Variants in ZFR observed in about 807,000 individuals in gnomAD.
ZFR encodes the protein zinc finger RNA binding protein.
A neutral mutation model predicts 130.7 loss-of-function variants in ZFR; 19 were observed. The observed-to-expected ratio is 0.15, with a 90% CI of 0.10 to 0.21. The LOEUF (loss-of-function observed/expected upper bound fraction) is 0.21. ZFR is among the 10% of genes least tolerant of loss of function. The pLI is 1.00. For missense variants in ZFR, 872 were observed against 1,321.5 expected (o/e 0.66, Z 5.27); for synonymous variants, 466 against 456.9 (o/e 1.02, Z -0.25).
At chr5:32,403,082 G>T (rs758390950) in intron 8 of ZFR, 24 bp downstream of exon 8, 1 of 1,604,640 alleles carries the variant, frequency 6.2e-7, no homozygotes, top group South Asian at 1.1e-5. Context: ...AGAGTCAGCA[G>T]GGACAGAGAA....
intron 2 of ZFR, 93 bp downstream of exon 2, chr5:32,444,135 GA>G: frequency 1.4e-6 from 2 of 1,412,644 alleles, no homozygotes; most frequent in Non-Finnish European, 1.9e-6. Flanking sequence ...GGGGCTCTGG[GA>G]TGGCTGGGGA....
chr5:32,384,721 G>A (rs1004948493), intron 15 of ZFR, among the ~76,000 whole-genome samples: 3 of 152,150 alleles, frequency 2.0e-5, no homozygotes, highest in African/African-American at 7.2e-5. Context: ...TGCAGACACT[G>A]ATCATGCTTT....
At chr5:32,407,270 G>T (rs1036620198) in intron 5 of ZFR, among the ~76,000 whole-genome samples, 8 of 151,840 alleles carry the variant, frequency 5.3e-5, no homozygotes, top group African/African-American at 1.5e-4. Context: ...TCCCTGCCTT[G>T]AAGAACCTTA....
intron 16 of ZFR, 56 bp from the exon 17 acceptor site, chr5:32,379,266 C>A (rs777117482): frequency 6.8e-7 from 1 of 1,479,848 alleles, no homozygotes; most frequent in South Asian, 1.1e-5. Context: ...GAATATATCC[C>A]TTGATGAAAA....
chr5:32,417,748 A>T lies in ZFR; in HGVS notation c.465T>A (p.Tyr155Ter), dbSNP rs1362793740. 6.2e-7 allele frequency: 1 copy of T among 1,613,962 alleles called. No homozygotes were observed. ...YVRSTAPAVA[Y>*]DSKQYYQQPT... ...GTTGTTGGTAGTATTGCTTACTATC[A>T]TAAGCTACAGCAGGAGCTGTGGACC... Residue 155 changes from tyrosine (Y) to a stop codon, truncating the protein, a stop_gained, in exon 4 of 20, where the codon TAT becomes TAA. Transcript: ENST00000265069. LOFTEE classifies it high-confidence loss of function.
At chr5:32,358,726 GA>G (rs1308471079) in intron 19 of ZFR, among the ~76,000 whole-genome samples, 1 of 151,908 alleles carries the variant, frequency 6.6e-6, no homozygotes, top group African/African-American at 2.4e-5. Flanking sequence ...AAAAAAAGGG[GA>G]GGGGGGAAGT....
intron 17 of ZFR, among the ~76,000 whole-genome samples, chr5:32,365,737 A>G (rs1254294602): frequency 2.6e-5 from 4 of 151,380 alleles, no homozygotes; most frequent in Non-Finnish European, 5.9e-5. Flanking sequence ...GTGCCGCTGT[A>G]CGACTGGGAC....
At chr5:32,383,680 T>C (rs1008946753) in intron 15 of ZFR, 1 of 445,302 alleles carries the variant, frequency 2.2e-6, no homozygotes, top group South Asian at 1.6e-5. Flanking sequence ...ACCCCTGTAC[T>C]AACTCCCCAA....
rs140192146 is a variant in ZFR, at chr5:32,418,916, A to T, written c.420+905T>A. ...TAATCTAGCACTGTTTTCAAACATA[A>T]TAAGGAGAATGTAGAATTCCTATAA... On this transcript the variant is annotated intron_variant, in intron 3 of 19. Coordinates refer to ENST00000265069, the MANE Select transcript of ZFR (RefSeq NM_016107.5). Among the ~76,000 whole-genome samples, 327 of 152,350 alleles carry T rather than the reference A, an allele frequency of 2.1e-3. 3 individuals are homozygous for T. Among genetic ancestry groups the T allele is most frequent in the African/African-American group, 7.2e-3 (301 of 41,588 alleles).
At chr5:32,385,962 T>A (rs997004362) in intron 14 of ZFR, among the ~76,000 whole-genome samples, 2 of 152,142 alleles carry the variant, frequency 1.3e-5, no homozygotes, top group Non-Finnish European at 2.9e-5. Context: ...TATATTTGCA[T>A]AATTTGAATG....
intron 17 of ZFR, among the ~76,000 whole-genome samples, chr5:32,376,232 A>G (rs1218930630): frequency 2.0e-5 from 3 of 151,968 alleles, no homozygotes; most frequent in Admixed American, 2.0e-4. Flanking sequence ...TCTTCCTCTC[A>G]CTCCTCAGAA....
intron 2 of ZFR, among the ~76,000 whole-genome samples, chr5:32,426,922 T>C (rs1452395044): frequency 9.4e-6 from 1 of 105,994 alleles, no homozygotes; most frequent in Non-Finnish European, 2.1e-5. Flanking sequence ...AAAAAAAGCA[T>C]CCTAATTGAA....
intron 2 of ZFR, among the ~76,000 whole-genome samples, chr5:32,425,226 T>G (rs939075975): frequency 2.0e-5 from 3 of 152,212 alleles, no homozygotes; most frequent in Non-Finnish European, 2.9e-5. Context: ...GGGGAGTTTT[T>G]AATTTGTATA....
chr5:32,377,897 G>A (rs2111702579), intron 17 of ZFR, among the ~76,000 whole-genome samples: 1 of 151,804 alleles, frequency 6.6e-6, no homozygotes, highest in Admixed American at 6.6e-5. Flanking sequence ...TCACTATGTT[G>A]GCCAGGCTGG....
At chr5:32,419,725 C>G in intron 3 of ZFR, 96 bp downstream of exon 3, 2 of 1,484,094 alleles carry the variant, frequency 1.3e-6, no homozygotes, top group Admixed American at 2.3e-5. Context: ...ATTTTGGAAG[C>G]CCCAAGTTTG....
chr5:32,368,416 G>C (rs1338138661), intron 17 of ZFR, among the ~76,000 whole-genome samples: 1 of 152,160 alleles, frequency 6.6e-6, no homozygotes, highest in Non-Finnish European at 1.5e-5. Flanking sequence ...TGTATTTTTA[G>C]TAGAGATGGG....
At chr5:32,367,713 G>A (rs533112101) in intron 17 of ZFR, among the ~76,000 whole-genome samples, 2 of 152,234 alleles carry the variant, frequency 1.3e-5, no homozygotes, top group African/African-American at 4.8e-5. Flanking sequence ...GAGATTACAG[G>A]CGTGAGCCAC....
Position 32,419,872 on chromosome 5 carries a change from C to T in ZFR, c.369G>A (p.Arg123=). The T allele has an allele frequency of 1.2e-6, 2 of 1,610,672 alleles. No individual in the cohort carries two copies. The highest frequency in any genetic ancestry group is 1.7e-6 in the Non-Finnish European group (2 of 1,177,220). ...GTGGTGGTGGTGGTGCTTCTTGTTG[C>T]CTCTGAGTATAACCATAGTCAGTTG... The part of the protein sequence containing the change: ...HTATDYGYTQ[R]QQEAPPPPPP... Residue 123 remains arginine (R), a synonymous_variant, in exon 3 of 20, where the codon AGG becomes AGA. Transcript: ENST00000265069.
Position 32,415,159 on chromosome 5 carries a change from T to C in ZFR, c.594A>G (p.Ala198=). Residue 198 remains alanine, a synonymous_variant, in exon 5 of 20, where the codon GCA becomes GCG. Coordinates refer to ENST00000265069, the MANE Select transcript of ZFR (RefSeq NM_016107.5). ...TTTGCTGGGCTTGAGTATACTGAGTTGCACCTTGGCTGTAACCTGCTTTGG... is the reference window on the plus strand; with the variant it reads ...TTTGCTGGGCTTGAGTATACTGAGTCGCACCTTGGCTGTAACCTGCTTTGG... ...TAPKAGYSQG[A]TQYTQAQQTR... The C allele has an allele frequency of 6.2e-7, 1 of 1,614,050 alleles. No individual in the cohort carries two copies.
Sources: gnomAD v4.1 joint callset for allele counts (sites outside exome capture counted in the v4.1 genomes callset) on GRCh38, gnomAD v4.1.1 for gene constraint, MANE v1.5 for transcripts, NCBI Gene and HGNC (gene_info 2026-07-23, HGNC 2026-07-21) for gene names.